Variants in DIP2A observed in about 807,000 individuals in gnomAD.
DIP2A encodes the protein disco-interacting protein 2 homolog A.
In DIP2A, 85 loss-of-function variants were observed where a neutral mutation model predicts 177.4. The observed-to-expected ratio is 0.48, with a 90% CI of 0.40 to 0.57. DIP2A has a LOEUF of 0.57. Among genes scored for constraint, DIP2A ranks in the 20% least tolerant of loss-of-function variants. The pLI, the probability that DIP2A is intolerant of heterozygous loss-of-function variation, is 0.00. For missense variants in DIP2A, 1,791 were observed against 2,100.2 expected (o/e 0.85, Z 2.88); for synonymous variants, 886 against 881.8 (o/e 1.00, Z -0.08).
chr21:46,506,724 TTTTCTTTCTTTCTTTCTTTC>T (rs1555887429), intron 6 of DIP2A, among the ~76,000 whole-genome samples: 4 of 78,884 alleles, frequency 5.1e-5, no homozygotes, highest in African/African-American at 9.4e-5. Context: ...TTGTGCTTGT[TTTTCTTTCTTTCTTTCTTTC>T]TTTCTTTCTT....
chr21:46,514,563 A>G (rs958778587), intron 8 of DIP2A, among the ~76,000 whole-genome samples: 2 of 133,428 alleles, frequency 1.5e-5, no homozygotes, highest in African/African-American at 5.7e-5. Flanking sequence ...AAATCACATT[A>G]TTGGTGAATA....
intron 35 of DIP2A, among the ~76,000 whole-genome samples, chr21:46,564,445 G>C (rs896714665): frequency 1.3e-5 from 2 of 152,214 alleles, no homozygotes; most frequent in East Asian, 3.8e-4. Context: ...ACAGGAATCC[G>C]TTGGGTTGAA....
intron 18 of DIP2A, among the ~76,000 whole-genome samples, chr21:46,543,402 C>T (rs764923173): frequency 2.1e-4 from 32 of 152,272 alleles, no homozygotes; most frequent in Non-Finnish European, 3.7e-4. Context: ...GCGTGCACAG[C>T]GCTCCCGTAG....
intron 6 of DIP2A, among the ~76,000 whole-genome samples, chr21:46,506,660 G>A (rs144724961): frequency 1.3e-5 from 2 of 149,554 alleles, no homozygotes; most frequent in Admixed American, 6.6e-5. Flanking sequence ...TGCCATCTGT[G>A]TATCTCTTGA....
chr21:46,518,973 T>C (rs1032168009), intron 8 of DIP2A, among the ~76,000 whole-genome samples: 2 of 152,142 alleles, frequency 1.3e-5, no homozygotes, highest in African/African-American at 4.8e-5. Context: ...ATACTTAGAG[T>C]TATTTCTTGA....
Position 46,551,923 on chromosome 21 carries a change from C to T in DIP2A, c.3030+19C>T, listed in dbSNP as rs1417563619. On this transcript the variant is annotated intron_variant, in intron 25 of 37. Coordinates refer to ENST00000417564, the MANE Select transcript of DIP2A (RefSeq NM_015151.4). ...CGCCAAGGTGAGGCAGTGTCACGCC[C>T]ACGGGGCTTGGAAACACCTGTGGGC... is the stretch of plus-strand genomic sequence containing the variant. 1 of 1,582,966 alleles carries T rather than the reference C, an allele frequency of 6.3e-7. No individual in the cohort carries two copies. Among genetic ancestry groups the T allele is most frequent in the African/African-American group, 1.3e-5 (1 of 74,398 alleles).
intron 1 of DIP2A, among the ~76,000 whole-genome samples, chr21:46,465,414 C>CAA (rs77913676): frequency 1.7e-4 from 26 of 149,838 alleles, no homozygotes; most frequent in African/African-American, 2.5e-4. Flanking sequence ...CTAAATATAA[C>CAA]AAAAAAAAAA....
At chr21:46,506,687 A>ATACTTTTGG (rs2058000937) in intron 6 of DIP2A, among the ~76,000 whole-genome samples, 1 of 138,658 alleles carries the variant, frequency 7.2e-6, no homozygotes, top group South Asian at 2.3e-4. Flanking sequence ...GTATCTGTTC[A>ATACTTTTGG]TACTTTTGGC....
chr21:46,566,131 T>C (rs1024560059), intron 36 of DIP2A, among the ~76,000 whole-genome samples: 1 of 152,156 alleles, frequency 6.6e-6, no homozygotes, highest in African/African-American at 2.4e-5. Context: ...GTGATAAGGC[T>C]ACCAGGCTTC....
intron 18 of DIP2A, among the ~76,000 whole-genome samples, chr21:46,544,064 T>G (rs998459875): frequency 6.6e-6 from 1 of 152,146 alleles, no homozygotes; most frequent in Non-Finnish European, 1.5e-5. Context: ...CAAGTTTCAT[T>G]TAATGGACCA....
In DIP2A at chr21:46,465,972, C is replaced by T. The variant is rs560581463; in HGVS notation, c.91+6750C>T. Among the ~76,000 whole-genome samples, 4 of 152,154 alleles carry T rather than the reference C, an allele frequency of 2.6e-5. No individual in the cohort carries two copies. In the South Asian group the frequency reaches 8.3e-4, roughly 32 times the overall value. Reference sequence around the variant, plus strand: ...GACTTGGGTATTTGGTGGACGTTTTCTGGAAAATAAATGAGAGGAAATAAC... The same window carrying T: ...GACTTGGGTATTTGGTGGACGTTTTTTGGAAAATAAATGAGAGGAAATAAC... On this transcript the variant is annotated intron_variant, in intron 1 of 37. Coordinates refer to ENST00000417564, the MANE Select transcript of DIP2A (RefSeq NM_015151.4).
chr21:46,477,543 T>TTTTTGTGTGTGTGTGTGTGTGTGTGTG (rs374607636), intron 1 of DIP2A, among the ~76,000 whole-genome samples: 1 of 87,094 alleles, frequency 1.1e-5, no homozygotes, highest in African/African-American at 4.3e-5. Flanking sequence ...AAAAAAAGAT[T>TTTTTGTGTGTGTGTGTGTGTGTGTGTG]TGTGTGTGTG....
At chr21:46,570,396 G>A (rs374851686), downstream of DIP2A, among the ~76,000 whole-genome samples, 9 of 152,258 alleles carry the variant, frequency 5.9e-5, no homozygotes, top group African/African-American at 2.2e-4. Flanking sequence ...ATATGTCCTC[G>A]TGTTCATGGC....
intron 8 of DIP2A, among the ~76,000 whole-genome samples, chr21:46,524,706 G>A (rs971281438): frequency 1.3e-5 from 2 of 152,054 alleles, no homozygotes; most frequent in Non-Finnish European, 2.9e-5. Flanking sequence ...TCTAATACAG[G>A]ATCATTTATA....
At chr21:46,528,527 CTTTTTTTTTTTTTTTTTTTTTTTTT>C (rs1162872343) in intron 8 of DIP2A, among the ~76,000 whole-genome samples, 13 of 29,408 alleles carry the variant, frequency 4.4e-4, no homozygotes, top group East Asian at 3.1e-3. Context: ...TTTCTGCTTG[CTTTTTTTTTTTTTTTTTTTTTTTTT>C]TTTTTTTTTT....
rs549753889 is a variant in DIP2A, at chr21:46,567,655, A to G, written c.*33A>G. ...ACACCGGCCCAGGTGCCGGAGATGA[A>G]TGAGCCCCAGCAGTCCAAGGTGTGA... On this transcript the variant is annotated 3_prime_UTR_variant, in exon 38 of 38. Transcript: ENST00000417564. 4.5e-6 allele frequency: 7 copies of G among 1,556,134 alleles called. No homozygotes were observed. The East Asian group carries it at 6.8e-5, about 15-fold the overall frequency.
At chr21:46,503,348 C>G (rs2057762448) in intron 5 of DIP2A, among the ~76,000 whole-genome samples, 1 of 145,768 alleles carries the variant, frequency 6.9e-6, no homozygotes, top group South Asian at 2.2e-4. Flanking sequence ...AAAAAAGGAA[C>G]TTGATTGTGG....
chr21:46,470,470 G>A (rs1348577675), intron 1 of DIP2A, among the ~76,000 whole-genome samples: 2 of 120,396 alleles, frequency 1.7e-5, no homozygotes, highest in Non-Finnish European at 3.4e-5. Flanking sequence ...GCGAAGCTCC[G>A]TCTCAAAAAA....
chr21:46,470,775 A>AC (rs1164718314), intron 1 of DIP2A, among the ~76,000 whole-genome samples: 1 of 149,602 alleles, frequency 6.7e-6, no homozygotes, highest in Admixed American at 6.6e-5. Context: ...AAAAAAAAAA[A>AC]AAAATTAGCC....
Sources: gnomAD v4.1 joint callset for allele counts (sites outside exome capture counted in the v4.1 genomes callset) on GRCh38, gnomAD v4.1.1 for gene constraint, MANE v1.5 for transcripts, NCBI Gene and HGNC (gene_info 2026-07-23, HGNC 2026-07-21) for gene names.